Variants in RBFOX1 observed in about 807,000 individuals in gnomAD.
RBFOX1 encodes RNA binding fox-1 homolog 1.
Under a neutral mutation model 57.7 loss-of-function variants are expected in RBFOX1, and 8 were observed. The observed-to-expected ratio is 0.14, with a 90% CI of 0.08 to 0.25. RBFOX1 has a LOEUF of 0.25. RBFOX1 is among the 10% of genes least tolerant of loss of function. RBFOX1 has a pLI of 1.00. For missense variants in RBFOX1, 611 were observed against 548.5 expected, an observed-to-expected ratio of 1.11 and a Z score of -1.14; for synonymous variants, 326 against 222.4, an observed-to-expected ratio of 1.47 and a Z score of -4.15.
chr16:7,633,271 A>C (rs1337524289), intron 11 of RBFOX1, among the ~76,000 whole-genome samples: 2 of 152,244 alleles, frequency 1.3e-5, no homozygotes, highest in Admixed American at 1.3e-4. Flanking sequence ...ACAAAGTGGC[A>C]ATATCACTGC....
chr16:6,974,657 T>A (rs933854517), intron 3 of RBFOX1, among the ~76,000 whole-genome samples: 3 of 152,004 alleles, frequency 2.0e-5, no homozygotes, highest in Non-Finnish European at 1.5e-5. Flanking sequence ...TAAATCATAT[T>A]CTTTATTTGC....
At chr16:5,719,415 T>C (rs2051845145) in intron 3 of RBFOX1, among the ~76,000 whole-genome samples, 2 of 151,820 alleles carry the variant, frequency 1.3e-5, no homozygotes, top group South Asian at 4.2e-4. Flanking sequence ...TTTCACCATG[T>C]TCGCCAGGAT....
chr16:6,320,727 AC>A (rs1045802652), intron 2 of RBFOX1, among the ~76,000 whole-genome samples: 14 of 152,166 alleles, frequency 9.2e-5, no homozygotes, highest in African/African-American at 3.1e-4. Flanking sequence ...TGACTATTAC[AC>A]CTGAAAACTA....
At chr16:5,269,206 C>G (rs948440752) in intron 1 of RBFOX1, among the ~76,000 whole-genome samples, 2 of 152,232 alleles carry the variant, frequency 1.3e-5, no homozygotes, top group Non-Finnish European at 1.5e-5. Context: ...CATGAGCCAC[C>G]GCACCAGGCC....
intron 14 of RBFOX1, among the ~76,000 whole-genome samples, chr16:7,684,666 C>T (rs1188919073): frequency 6.6e-6 from 1 of 151,536 alleles, no homozygotes. Context: ...AACATCCTCT[C>T]AATTCTTGCC....
At chr16:7,225,199 C>T (rs955874231) in intron 4 of RBFOX1, among the ~76,000 whole-genome samples, 4 of 152,222 alleles carry the variant, frequency 2.6e-5, no homozygotes, top group Admixed American at 6.5e-5. Flanking sequence ...TGTAAGTGCA[C>T]GTGATCTCCT....
At chr16:7,321,071 C>A (rs1280365987) in intron 4 of RBFOX1, among the ~76,000 whole-genome samples, 25 of 72,846 alleles carry the variant, frequency 3.4e-4, no homozygotes, top group Non-Finnish European at 7.1e-4. Context: ...ATCTGTCTAT[C>A]TATACGTATA....
At chr16:6,153,501 C>T (rs8052411) in intron 1 of RBFOX1, among the ~76,000 whole-genome samples, 68,359 of 151,816 alleles carry the variant, frequency 0.45, 16,747 homozygotes, top group Middle Eastern at 0.57. Flanking sequence ...CACACAGTCC[C>T]ACTCCTTCCT....
intron 4 of RBFOX1, among the ~76,000 whole-genome samples, chr16:7,303,211 G>C (rs1452901314): frequency 6.6e-6 from 1 of 152,224 alleles, no homozygotes; most frequent in Non-Finnish European, 1.5e-5. Context: ...CAACCAAGGC[G>C]AGGCACAGAG....
chr16:5,778,494 G>T (rs948750137), intron 3 of RBFOX1, among the ~76,000 whole-genome samples: 1 of 152,088 alleles, frequency 6.6e-6, no homozygotes, highest in African/African-American at 2.4e-5. Context: ...GGGAACCAGG[G>T]GACATCTCAC....
intron 5 of RBFOX1, among the ~76,000 whole-genome samples, chr16:7,539,332 G>T (rs1397637355): frequency 6.6e-6 from 1 of 152,142 alleles, no homozygotes; most frequent in African/African-American, 2.4e-5. Context: ...AGTGGGAGCA[G>T]CATTCCAGGA....
At chr16:6,075,398 A>G (rs142598402) in intron 1 of RBFOX1, among the ~76,000 whole-genome samples, 106 of 152,348 alleles carry the variant, frequency 7.0e-4, no homozygotes, top group Non-Finnish European at 1.2e-3. Context: ...GATAAACACT[A>G]CAGAAATAGC....
chr16:5,337,314 TC>T (rs1381827998), intron 1 of RBFOX1, among the ~76,000 whole-genome samples: 3 of 152,232 alleles, frequency 2.0e-5, no homozygotes, highest in African/African-American at 7.2e-5. Flanking sequence ...AGGTGAGTTT[TC>T]CCAAAGACCG....
At chr16:6,649,952 G>A (rs147991618) in intron 2 of RBFOX1, among the ~76,000 whole-genome samples, 47 of 152,242 alleles carry the variant, frequency 3.1e-4, no homozygotes, top group African/African-American at 1.1e-3. Flanking sequence ...TTGCCACTGT[G>A]AATTGTGCTG....
chr16:5,972,620 G>C (rs2059985667), intron 4 of RBFOX1, among the ~76,000 whole-genome samples: 1 of 152,214 alleles, frequency 6.6e-6, no homozygotes, highest in East Asian at 1.9e-4. Flanking sequence ...CGGGCAATCA[G>C]GGAAGGTTCA....
At chr16:5,551,260 C>T (rs11076932) in intron 2 of RBFOX1, among the ~76,000 whole-genome samples, 47,593 of 152,044 alleles carry the variant, frequency 0.31, 8,512 homozygotes, top group East Asian at 0.74. Flanking sequence ...TCACCAGGGG[C>T]TATTTGTACT....
intron 3 of RBFOX1, among the ~76,000 whole-genome samples, chr16:6,707,062 C>T (rs1292294626): frequency 6.6e-6 from 1 of 152,194 alleles, no homozygotes; most frequent in Non-Finnish European, 1.5e-5. Context: ...CCACTGTCAT[C>T]ATTTTGGTAT....
At position 7,698,771 on chromosome 16, in the gene RBFOX1, G is replaced by A. The variant is rs1598389802; in HGVS notation, c.996-10285G>A. 2.6e-5 allele frequency among the ~76,000 whole-genome samples: 4 copies of A among 152,070 alleles called. No individual in the cohort carries two copies. The South Asian group carries it at 8.3e-4, about 32-fold the overall frequency. On this transcript the variant is annotated intron_variant, in intron 14 of 15. Transcript: ENST00000550418. Reference sequence around the variant, plus strand: ...TAGGGAAAGTACAGGGAGCTAAGGGGCCATATAAGCAAAGGAACTTAGGAA... The same window carrying A: ...TAGGGAAAGTACAGGGAGCTAAGGGACCATATAAGCAAAGGAACTTAGGAA...
At chr16:7,612,918 A>G (rs1049496857) in intron 10 of RBFOX1, among the ~76,000 whole-genome samples, 2 of 152,216 alleles carry the variant, frequency 1.3e-5, no homozygotes, top group African/African-American at 4.8e-5. Flanking sequence ...AACAAGATTC[A>G]TAAGATGCAC....
Sources: allele counts gnomAD v4.1 joint callset (sites outside exome capture counted in the v4.1 genomes callset), GRCh38; gene constraint gnomAD v4.1.1; transcripts MANE v1.5; gene names NCBI Gene and HGNC (gene_info 2026-07-23, HGNC 2026-07-21).